EXD1: variants seen among roughly 807,000 people sequenced by gnomAD.
EXD1 encodes the protein piRNA biogenesis protein EXD1.
A neutral mutation model predicts 49.1 loss-of-function variants in EXD1; 63 were observed. That is an observed-to-expected ratio of 1.28 (90% CI 1.05 to 1.58). The LOEUF (loss-of-function observed/expected upper bound fraction) is 1.58, where lower values mean the gene tolerates loss of function less well. EXD1 is among the 40% of genes most tolerant of loss of function. EXD1 has a pLI of 0.00. For synonymous variants in EXD1, 234 were observed against 239.2 expected, an observed-to-expected ratio of 0.98 and a Z score of 0.20; for missense variants, 748 against 666.0, an observed-to-expected ratio of 1.12 and a Z score of -1.36.
chr15:41,199,730 GAT>G (rs1220370855), intron 7 of EXD1, among the ~76,000 whole-genome samples: 7 of 33,492 alleles, frequency 2.1e-4, no homozygotes, highest in South Asian at 1.3e-3. Flanking sequence ...TATTATATAT[GAT>G]ATATATGTCA....
At chr15:41,208,359 A>C in intron 7 of EXD1, among the ~76,000 whole-genome samples, 1 of 141,666 alleles carries the variant, frequency 7.1e-6, no homozygotes, top group African/African-American at 2.7e-5. Flanking sequence ...TATAGGGAGA[A>C]CTCATCTCTG....
rs376151891 is a variant in EXD1 at position 41,184,100 on chromosome 15, A to T, written c.1550T>A (p.Leu517Ter). 1 of 1,614,194 alleles carries T rather than the reference A, an allele frequency of 6.2e-7. No homozygotes were observed. Among genetic ancestry groups the T allele is most frequent in the Non-Finnish European group, 8.5e-7 (1 of 1,180,026 alleles). The change falls in exon 12 of 12, where the codon TTA becomes TAA. Residue 517 changes from leucine to a stop codon, truncating the protein, a stop_gained. Coordinates refer to ENST00000458580, the MANE Select transcript of EXD1 (RefSeq NM_001286441.2). LOFTEE classifies it low-confidence loss of function (END_TRUNC). The stretch of plus-strand genomic sequence containing the variant: ...TGAAACAGCCTGTTTTGTGCATTTT[A>T]AATCTTCCTTGTTTTCCACCATCAA... ...QLLMVENKED[L>*]KCTKQAVSMS...
At chr15:41,197,267 G>A (rs1255748581) in intron 7 of EXD1, among the ~76,000 whole-genome samples, 12 of 139,044 alleles carry the variant, frequency 8.6e-5, no homozygotes, top group South Asian at 4.5e-4. Context: ...TTGCTCTGTC[G>A]CCCAGGCTGG....
At chr15:41,191,766 A>T (rs1189451507) in intron 9 of EXD1, among the ~76,000 whole-genome samples, 181 bp from the exon 10 acceptor site, 1 of 151,988 alleles carries the variant, frequency 6.6e-6, no homozygotes, top group African/African-American at 2.4e-5. Context: ...AGAAAAAAAA[A>T]ACGGAATAAA....
intron 2 of EXD1, among the ~76,000 whole-genome samples, chr15:41,225,572 C>T (rs1443671834): frequency 1.7e-5 from 2 of 120,906 alleles, no homozygotes; most frequent in East Asian, 2.4e-4. Flanking sequence ...GCAACAAGAA[C>T]GAGACTCATT....
In EXD1 at chr15:41,216,852, A is replaced by G; in HGVS notation, c.261-57T>C. 4 of 1,600,378 alleles carry G rather than the reference A, an allele frequency of 2.5e-6. No homozygotes were observed. In the Admixed American group the frequency reaches 6.9e-5, roughly 28 times the overall value. On this transcript the variant is annotated intron_variant, in intron 4 of 11. Transcript: ENST00000458580. ...CTTGTTCTTTGTTGTTGACACCAAA[A>G]ACAGATTTTGCCACACATTAACGTT... is the stretch of plus-strand genomic sequence containing the variant.
chr15:41,205,195 G>T (rs2046803020), intron 7 of EXD1, among the ~76,000 whole-genome samples: 1 of 152,084 alleles, frequency 6.6e-6, no homozygotes, highest in East Asian at 1.9e-4. Context: ...CCTACAGAAG[G>T]CAAAGGGAAA....
At chr15:41,224,203 G>A (rs2047129453) in intron 2 of EXD1, among the ~76,000 whole-genome samples, 1 of 152,186 alleles carries the variant, frequency 6.6e-6, no homozygotes, top group African/African-American at 2.4e-5. Context: ...CTCCTAAAGT[G>A]CTGGGATTAC....
intron 11 of EXD1, 28 bp downstream of exon 11, chr15:41,189,909 G>A (rs753834295): frequency 6.2e-7 from 1 of 1,603,336 alleles, no homozygotes; most frequent in South Asian, 1.1e-5. Context: ...GCAGAAAGGA[G>A]GTCCTGAAGA....
intron 3 of EXD1, 43 bp from the exon 4 acceptor site, chr15:41,217,197 A>G (rs1382259074): frequency 6.5e-7 from 1 of 1,541,518 alleles, no homozygotes; most frequent in Non-Finnish European, 8.9e-7. Flanking sequence ...TTCCAATCAG[A>G]AATCAATTAA....
At position 41,184,320 on chromosome 15, in the gene EXD1, T is replaced by G; in HGVS notation, c.1330A>C (p.Asn444His). Residue 444 changes from asparagine (N) to histidine (H), a missense_variant, in exon 12 of 12, where the codon AAT becomes CAT. Coordinates refer to ENST00000458580, the MANE Select transcript of EXD1 (RefSeq NM_001286441.2). The part of the protein sequence containing the change: ...DVNLLKEESL[N>H]KQATNPQHLP... ...TGTTGAGGATTTGTAGCTTGTTTAT[T>G]CAAAGATTCTTCTTTCAGTAAATTC... The G allele has an allele frequency of 6.2e-7, 1 of 1,614,228 alleles. No individual in the cohort carries two copies. The highest frequency in any genetic ancestry group is 8.5e-7 in the Non-Finnish European group (1 of 1,180,046).
chr15:41,214,227 T>C (rs1467869086), intron 6 of EXD1, among the ~76,000 whole-genome samples: 1 of 151,870 alleles, frequency 6.6e-6, no homozygotes, highest in African/African-American at 2.4e-5. Flanking sequence ...AATGCATCCA[T>C]GGGCCAGGGA....
intron 6 of EXD1, among the ~76,000 whole-genome samples, chr15:41,213,994 C>T (rs532956201): frequency 1.3e-5 from 2 of 152,104 alleles, no homozygotes; most frequent in South Asian, 2.1e-4. Context: ...GGTGAAACCC[C>T]GTCTCTACTA....
intron 11 of EXD1, among the ~76,000 whole-genome samples, chr15:41,188,015 C>CA (rs11321304): frequency 1.5e-4 from 17 of 111,662 alleles, no homozygotes; most frequent in African/African-American, 5.0e-4. Context: ...AACCCCGTCT[C>CA]AAAAAAAAAA....
At chr15:41,229,469 T>C (rs2058065518) in intron 1 of EXD1, among the ~76,000 whole-genome samples, 1 of 151,526 alleles carries the variant, frequency 6.6e-6, no homozygotes, top group Admixed American at 6.6e-5. Flanking sequence ...CCGGACTCTG[T>C]CGCAAAAAAA....
chr15:41,189,342 T>G (rs1189970622), intron 11 of EXD1, among the ~76,000 whole-genome samples: 2 of 150,972 alleles, frequency 1.3e-5, no homozygotes, highest in African/African-American at 2.4e-5. Flanking sequence ...CACTCCAGCC[T>G]GAGTGACAGA....
chr15:41,229,511 G>A (rs1037747220), intron 1 of EXD1, among the ~76,000 whole-genome samples: 22 of 152,188 alleles, frequency 1.4e-4, no homozygotes, highest in Non-Finnish European at 1.0e-4. Flanking sequence ...GCTCACGCCT[G>A]TAATCACAGC....
At chr15:41,213,074 T>C (rs2140886053) in intron 6 of EXD1, among the ~76,000 whole-genome samples, 1 of 152,166 alleles carries the variant, frequency 6.6e-6, no homozygotes, top group African/African-American at 2.4e-5. Context: ...AGGAATATTA[T>C]TTGGCAATAA....
chr15:41,215,502 C>T (rs762273494), intron 6 of EXD1, among the ~76,000 whole-genome samples: 5 of 151,930 alleles, frequency 3.3e-5, no homozygotes, highest in African/African-American at 4.8e-5. Context: ...CTGGCTAACA[C>T]GGTGAAACAC....
Sources: allele counts gnomAD v4.1 joint callset (sites outside exome capture counted in the v4.1 genomes callset), GRCh38; gene constraint gnomAD v4.1.1; transcripts MANE v1.5; gene names NCBI Gene and HGNC (gene_info 2026-07-23, HGNC 2026-07-21).